Variants in SYN3 observed in about 807,000 individuals in gnomAD.
The protein encoded by SYN3 is synapsin III, also known as synapsin-3.
A neutral mutation model predicts 65.8 loss-of-function variants in SYN3; 35 were observed. That is an observed-to-expected ratio of 0.53 (90% CI 0.41 to 0.70). The LOEUF is 0.70. Ranked by LOEUF, SYN3 falls within the 30% of genes least tolerant of loss-of-function variation. SYN3 has a pLI of 0.00. For synonymous variants in SYN3, 270 were observed against 292.9 expected (o/e 0.92, Z 0.80); for missense variants, 680 against 749.0 (o/e 0.91, Z 1.08).
At chr22:32,592,575 A>G (rs576729799) in intron 7 of SYN3, among the ~76,000 whole-genome samples, 2 of 152,272 alleles carry the variant, frequency 1.3e-5, no homozygotes, top group African/African-American at 4.8e-5. Flanking sequence ...GGCACACCCA[A>G]TCACATGCAG....
intron 6 of SYN3, chr22:32,857,911 C>T (rs1408764516): frequency 6.4e-7 from 1 of 1,553,584 alleles, no homozygotes; most frequent in Non-Finnish European, 8.9e-7. Flanking sequence ...TGAAAAGTAC[C>T]CAGCCACAGT....
chr22:32,816,700 T>C (rs533856913), intron 6 of SYN3, among the ~76,000 whole-genome samples: 1 of 152,298 alleles, frequency 6.6e-6, no homozygotes, highest in South Asian at 2.1e-4. Flanking sequence ...AAATTTGCCA[T>C]CAGACTTGGA....
intron 1 of SYN3, among the ~76,000 whole-genome samples, chr22:33,012,151 C>G (rs955024445): frequency 6.6e-6 from 1 of 152,076 alleles, no homozygotes; most frequent in African/African-American, 2.4e-5. Context: ...ATTTTAAACT[C>G]TTTTTTTCCC....
chr22:32,748,016 G>A (rs936468468), intron 6 of SYN3, among the ~76,000 whole-genome samples: 6 of 152,172 alleles, frequency 3.9e-5, no homozygotes, highest in Admixed American at 6.5e-5. Context: ...ACATGGCCTC[G>A]TGTCCTGGCA....
chr22:32,942,950 AAAACC>A (rs2050985948), intron 3 of SYN3, among the ~76,000 whole-genome samples: 1 of 152,232 alleles, frequency 6.6e-6, no homozygotes, highest in African/African-American at 2.4e-5. Context: ...ACTATGTGAA[AAAACC>A]AAATCTACGT....
chr22:32,604,867 G>T (rs2858741), intron 6 of SYN3, among the ~76,000 whole-genome samples: 2 of 151,630 alleles, frequency 1.3e-5, no homozygotes, highest in Admixed American at 1.3e-4. Context: ...TTAGCCGGGC[G>T]TGGTGGCGGG....
rs1464361346 is a variant in SYN3 at position 32,902,654 on chromosome 22, T to A, written c.461+28736A>T. Reference sequence around the variant, plus strand: ...ACACCAGCTTCTGAGAATAGAGGCTTTTATAAAACAAGCAAATGCAAGGAG... The same window carrying A: ...ACACCAGCTTCTGAGAATAGAGGCTATTATAAAACAAGCAAATGCAAGGAG... On this transcript the variant is annotated intron_variant, in intron 4 of 13. Coordinates refer to ENST00000358763, the MANE Select transcript of SYN3 (RefSeq NM_003490.4). Among the ~76,000 whole-genome samples the A allele has an allele frequency of 6.6e-5, 10 of 152,086 alleles. No individual in the cohort carries two copies. The East Asian group carries it at 1.9e-3, about 29-fold the overall frequency.
chr22:33,018,985 G>A (rs115641563), intron 1 of SYN3, among the ~76,000 whole-genome samples: 510 of 152,158 alleles, frequency 3.4e-3, no homozygotes, highest in African/African-American at 0.012. Flanking sequence ...CTTGGTTCAC[G>A]TGCTGCTAAA....
intron 6 of SYN3, among the ~76,000 whole-genome samples, chr22:32,646,954 A>G (rs1045485968): frequency 2.0e-5 from 3 of 152,152 alleles, no homozygotes; most frequent in Admixed American, 2.0e-4. Flanking sequence ...GTTAAGAGAC[A>G]AGGGCTGGCT....
intron 13 of SYN3, among the ~76,000 whole-genome samples, chr22:32,516,705 C>T (rs943598286): frequency 1.3e-5 from 2 of 152,156 alleles, no homozygotes; most frequent in Non-Finnish European, 2.9e-5. Context: ...AATATATTAC[C>T]TATTCAAAAA....
intron 6 of SYN3, among the ~76,000 whole-genome samples, chr22:32,715,396 T>G (rs536864018): frequency 6.6e-6 from 1 of 152,358 alleles, no homozygotes; most frequent in South Asian, 2.1e-4. Context: ...GGCACTGGTG[T>G]TTCCTGAAAC....
rs1398380451 is a variant in SYN3 at position 32,792,991 on chromosome 22, C to G, written c.711+71924G>C. ...CTTCTTTGAGCCTCCGTTTCCTTGA[C>G]CATAAAATGGGCATAATACCATAGT... On this transcript the variant is annotated intron_variant, in intron 6 of 13. Coordinates refer to ENST00000358763, the MANE Select transcript of SYN3 (RefSeq NM_003490.4). Among the ~76,000 whole-genome samples the G allele has an allele frequency of 2.6e-5, 4 of 152,152 alleles. No individual in the cohort carries two copies. The South Asian group carries it at 8.3e-4, about 32-fold the overall frequency.
intron 6 of SYN3, among the ~76,000 whole-genome samples, chr22:32,807,829 G>T (rs186912716): frequency 1.1e-4 from 17 of 151,992 alleles, no homozygotes; most frequent in Admixed American, 1.1e-3. Context: ...TGCCAATTTG[G>T]CCTCCACAGT....
At chr22:33,002,530 G>A (rs1250912929) in intron 2 of SYN3, among the ~76,000 whole-genome samples, 1 of 152,126 alleles carries the variant, frequency 6.6e-6, no homozygotes, top group African/African-American at 2.4e-5. Context: ...TGTAGTCCCA[G>A]CTACTTGGGA....
intron 6 of SYN3, among the ~76,000 whole-genome samples, chr22:32,780,094 G>GAA (rs2046001980): frequency 2.7e-3 from 3 of 1,096 alleles, no homozygotes; most frequent in Non-Finnish European, 4.0e-3. Context: ...GAGAAAAAAA[G>GAA]AGAAAAAAAA....
At chr22:32,933,197 A>T (rs1372556361) in intron 3 of SYN3, among the ~76,000 whole-genome samples, 1 of 152,228 alleles carries the variant, frequency 6.6e-6, no homozygotes, top group Admixed American at 6.5e-5. Flanking sequence ...AGATGCCAAA[A>T]GCAATTTCTT....
At chr22:32,790,681 C>A (rs2046306587) in intron 6 of SYN3, among the ~76,000 whole-genome samples, 1 of 152,144 alleles carries the variant, frequency 6.6e-6, no homozygotes, top group African/African-American at 2.4e-5. Context: ...CCTGCCTCGG[C>A]CTCTCAAAGT....
chr22:32,575,627 G>A (rs767559189), intron 7 of SYN3, among the ~76,000 whole-genome samples: 3 of 152,144 alleles, frequency 2.0e-5, no homozygotes, highest in Admixed American at 6.5e-5. Flanking sequence ...AGAGAGCAAC[G>A]GTCTTGCTCT....
In SYN3 at chr22:32,668,523, CCTT is replaced by C. The variant is rs1361496640; in HGVS notation, c.712-71790_712-71788del. 3.9e-5 allele frequency among the ~76,000 whole-genome samples: 6 copies of C among 152,016 alleles called. 1 individual carries two copies. In the South Asian group the frequency reaches 1.0e-3, roughly 26 times the overall value. On this transcript the variant is annotated intron_variant, in intron 6 of 13. Transcript: ENST00000358763. ...CCCTTCACTCCTTTCCTTCCTTTCT[CCTT>C]CTCCTTCTCCTTCCCCTCTTCCTTC... is the stretch of plus-strand genomic sequence containing the variant.
Sources: allele counts gnomAD v4.1 joint callset (sites outside exome capture counted in the v4.1 genomes callset), GRCh38; gene constraint gnomAD v4.1.1; transcripts MANE v1.5; gene names NCBI Gene and HGNC (gene_info 2026-07-23, HGNC 2026-07-21).